FAF1: variants seen among roughly 807,000 people sequenced by gnomAD.
FAF1 encodes the protein FAS-associated factor 1.
A neutral mutation model predicts 92.5 loss-of-function variants in FAF1; 25 were observed. The ratio of observed to expected loss-of-function variants is 0.27; its 90% CI spans 0.20 to 0.38. The LOEUF (loss-of-function observed/expected upper bound fraction) is 0.38, where lower values mean the gene tolerates loss of function less well. Among genes scored for constraint, FAF1 ranks in the 10% least tolerant of loss-of-function variants. The pLI is 1.00. For missense variants in FAF1, 636 were observed against 793.3 expected (o/e 0.80, Z 2.38); for synonymous variants, 234 against 273.2 (o/e 0.86, Z 1.42).
chr1:50,940,785 C>T (rs937362251), intron 1 of FAF1, among the ~76,000 whole-genome samples: 1 of 152,130 alleles, frequency 6.6e-6, no homozygotes, highest in Non-Finnish European at 1.5e-5. Context: ...CTAGTAACTA[C>T]GTAATCTCAG....
Position 50,441,491 on chromosome 1 carries a change from C to T in FAF1, c.1902G>A (p.Leu634=). The change falls in exon 19 of 19, where the codon TTG becomes TTA. Residue 634 remains leucine, a synonymous_variant. Transcript: ENST00000396153. ...TTTCTTGAGGGAACAACTTTACCTC[C>T]AATAATGATTTATTTGGGTCCAGTT... ...VTQLDPNKSL[L]EVKLFPQETL... is the part of the protein sequence containing the mutation. 6.5e-7 allele frequency: 1 copy of T among 1,544,994 alleles called. No homozygotes were observed. Among genetic ancestry groups the T allele is most frequent in the African/African-American group, 1.4e-5 (1 of 73,008 alleles).
chr1:50,766,745 C>T (rs1660585396), intron 4 of FAF1, among the ~76,000 whole-genome samples: 1 of 150,482 alleles, frequency 6.6e-6, no homozygotes, highest in South Asian at 2.1e-4. Context: ...CAATCAAACC[C>T]CCAAGGGCAT....
At chr1:50,676,172 C>A (rs549392553) in intron 7 of FAF1, among the ~76,000 whole-genome samples, 6 of 152,012 alleles carry the variant, frequency 3.9e-5, no homozygotes, top group Non-Finnish European at 7.3e-5. Flanking sequence ...TTCGGGAGGC[C>A]GAGGCCAGCA....
intron 4 of FAF1, among the ~76,000 whole-genome samples, chr1:50,754,350 G>A (rs1037698779): frequency 6.6e-6 from 1 of 152,152 alleles, no homozygotes; most frequent in Non-Finnish European, 1.5e-5. Context: ...TCTTGTACTA[G>A]TACTCTCCAC....
rs1197881772 is a variant in FAF1, at chr1:50,655,616, T to C, written c.658-88A>G. ...CAATTTATGAGACATACAGTGTATT[T>C]CTTGTTTTCTTCTAGATTCAAAACA... On this transcript the variant is annotated intron_variant, in intron 7 of 18. Coordinates refer to ENST00000396153, the MANE Select transcript of FAF1 (RefSeq NM_007051.3). 16 of 772,952 alleles carry C rather than the reference T, an allele frequency of 2.1e-5. No homozygotes were observed. In the East Asian group the frequency reaches 4.3e-4, roughly 21 times the overall value. The allele number at this position is 772,952 out of a possible 1,614,324, so 47.9% of individuals were successfully genotyped here. A position where few individuals can be genotyped will look rare whatever the true frequency, so the allele number is the denominator to read the frequency against.
intron 7 of FAF1, among the ~76,000 whole-genome samples, chr1:50,687,258 A>G (rs1466107016): frequency 6.6e-6 from 1 of 151,146 alleles, no homozygotes; most frequent in East Asian, 1.9e-4. Context: ...TTTCATATTT[A>G]GTTTCCTTTT....
chr1:50,929,504 T>C (rs1645032603), intron 1 of FAF1, among the ~76,000 whole-genome samples: 1 of 152,246 alleles, frequency 6.6e-6, no homozygotes, highest in Admixed American at 6.5e-5. Context: ...ACTGTTTATA[T>C]TATATCTTTT....
At chr1:50,606,659 C>G (rs1042026474) in intron 8 of FAF1, among the ~76,000 whole-genome samples, 10 of 152,082 alleles carry the variant, frequency 6.6e-5, no homozygotes, top group Admixed American at 4.6e-4. Flanking sequence ...GCCACCACAC[C>G]TGGCTAATTT....
chr1:50,495,358 T>G (rs1646886319), intron 15 of FAF1, among the ~76,000 whole-genome samples: 1 of 152,224 alleles, frequency 6.6e-6, no homozygotes, highest in East Asian at 1.9e-4. Flanking sequence ...TGAGAACATG[T>G]GACGTTTGTA....
chr1:50,590,179 A>G (rs938710749), intron 9 of FAF1, among the ~76,000 whole-genome samples: 2 of 152,200 alleles, frequency 1.3e-5, no homozygotes, highest in South Asian at 4.1e-4. Flanking sequence ...GAATTTTTGG[A>G]TAAGTTTTTC....
At chr1:50,599,143 C>T (rs1024444113) in intron 8 of FAF1, among the ~76,000 whole-genome samples, 3 of 152,096 alleles carry the variant, frequency 2.0e-5, no homozygotes, top group African/African-American at 7.2e-5. Context: ...GAGGGAACCT[C>T]GCTCTGTCAC....
At chr1:50,886,811 C>T (rs1443272682) in intron 1 of FAF1, among the ~76,000 whole-genome samples, 3 of 152,182 alleles carry the variant, frequency 2.0e-5, no homozygotes, top group Non-Finnish European at 4.4e-5. Context: ...CAAGTCTTTG[C>T]TATTGTGAAT....
At chr1:50,774,393 G>A (rs751940261) in intron 4 of FAF1, among the ~76,000 whole-genome samples, 40 of 152,100 alleles carry the variant, frequency 2.6e-4, no homozygotes, top group Non-Finnish European at 4.6e-4. Flanking sequence ...TCACAGAGTC[G>A]AGATCAGAAT....
intron 1 of FAF1, among the ~76,000 whole-genome samples, chr1:50,882,933 G>A (rs181918294): frequency 4.0e-5 from 6 of 150,336 alleles, no homozygotes; most frequent in South Asian, 2.1e-4. Flanking sequence ...GTAGTAAGCC[G>A]AGATTGCGCC....
chr1:50,652,856 G>A (rs1654927312), intron 8 of FAF1, among the ~76,000 whole-genome samples: 1 of 152,064 alleles, frequency 6.6e-6, no homozygotes, highest in African/African-American at 2.4e-5. Context: ...TAATTATAAT[G>A]TCGACTCATT....
intron 8 of FAF1, among the ~76,000 whole-genome samples, chr1:50,603,772 G>C (rs1049952467): frequency 1.3e-5 from 2 of 152,090 alleles, no homozygotes; most frequent in South Asian, 2.1e-4. Flanking sequence ...CCACATTCTT[G>C]TAGCAGGGTT....
chr1:50,490,309 G>A (rs927644249), intron 17 of FAF1, among the ~76,000 whole-genome samples: 25 of 151,610 alleles, frequency 1.6e-4, no homozygotes, highest in African/African-American at 5.8e-4. Flanking sequence ...ACAACGAGCC[G>A]AGATGGTGCT....
At chr1:50,579,988 A>T (rs1232681644) in intron 12 of FAF1, among the ~76,000 whole-genome samples, 1 of 152,162 alleles carries the variant, frequency 6.6e-6, no homozygotes, top group Non-Finnish European at 1.5e-5. Flanking sequence ...GTAGGAGAAT[A>T]TCATTATTTT....
Position 50,583,771 on chromosome 1 carries a change from A to G in FAF1, c.968-56T>C. 1 of 1,085,388 alleles carries G rather than the reference A, an allele frequency of 9.2e-7. No individual in the cohort carries two copies. Among genetic ancestry groups the G allele is most frequent in the Admixed American group, 2.0e-5 (1 of 49,330 alleles). 67.2% of individuals were successfully genotyped at this position (1,085,388 alleles called of 1,614,324 possible). A position where few individuals can be genotyped will look rare whatever the true frequency, so the allele number is the denominator to read the frequency against. ...CAAAAAAACAAAACAAATAGACACAAAAACAAACCACATAACATCTAATCC... is the reference window on the plus strand; with the variant it reads ...CAAAAAAACAAAACAAATAGACACAGAAACAAACCACATAACATCTAATCC... On this transcript the variant is annotated intron_variant, in intron 10 of 18. Coordinates refer to ENST00000396153, the MANE Select transcript of FAF1 (RefSeq NM_007051.3). This position sits in a 1 kb window ranked among gnomAD's most constrained non-coding sequence, Gnocchi z 4.2.
Sources: gnomAD v4.1 joint callset for allele counts (sites outside exome capture counted in the v4.1 genomes callset) on GRCh38, gnomAD v4.1.1 for gene constraint, Gnocchi (gnomAD v3.1) non-coding constraint, MANE v1.5 for transcripts, NCBI Gene and HGNC (gene_info 2026-07-23, HGNC 2026-07-21) for gene names.